NCALD: variants seen among roughly 807,000 people sequenced by gnomAD.
The protein encoded by NCALD is neurocalcin-delta.
In NCALD, 10 loss-of-function variants were observed where a neutral mutation model predicts 18.6. The observed-to-expected ratio is 0.54, with a 90% CI of 0.33 to 0.91. The LOEUF (loss-of-function observed/expected upper bound fraction) is 0.91, where lower values mean the gene tolerates loss of function less well. NCALD is among the 40% of genes least tolerant of loss of function. NCALD has a pLI of 0.03. For synonymous variants in NCALD, 88 were observed against 87.4 expected, an observed-to-expected ratio of 1.01 and a Z score of -0.04; for missense variants, 184 against 247.6, an observed-to-expected ratio of 0.74 and a Z score of 1.72.
chr8:102,008,592 C>T (rs1412619071), intron 2 of NCALD, among the ~76,000 whole-genome samples: 1 of 151,478 alleles, frequency 6.6e-6, no homozygotes, highest in Non-Finnish European at 1.5e-5. Flanking sequence ...AGGAAAGCAA[C>T]ATTCCTAACA....
intron 2 of NCALD, among the ~76,000 whole-genome samples, chr8:101,705,747 A>G (rs1815485696): frequency 6.6e-6 from 1 of 152,030 alleles, no homozygotes; most frequent in Non-Finnish European, 1.5e-5. Flanking sequence ...ACCATGGAGG[A>G]GAGAGACTAC....
rs148081163 is a variant in NCALD, at chr8:101,751,277, C to A, written c.-19-31629G>T. On this transcript the variant is annotated intron_variant, in intron 1 of 3. Coordinates refer to ENST00000220931, the MANE Select transcript of NCALD (RefSeq NM_032041.3). ...TGCATCATTCTACTTATATGAGGTA[C>A]CTAGAATGGGCAAATTCTTAGAAAT... Among the ~76,000 whole-genome samples, 1,137 of 152,130 alleles carry A rather than the reference C, an allele frequency of 7.5e-3. 15 individuals carry two copies. Among genetic ancestry groups the A allele is most frequent in the African/African-American group, 0.025 (1,054 of 41,514 alleles).
chr8:101,963,468 C>T (rs950770913), intron 2 of NCALD, among the ~76,000 whole-genome samples: 1 of 152,126 alleles, frequency 6.6e-6, no homozygotes, highest in South Asian at 2.1e-4. Flanking sequence ...ACCAAGGAAG[C>T]ATGTGACTCC....
chr8:101,895,205 C>T lies in NCALD; in HGVS notation c.-106-7978G>A, dbSNP rs572747508. 3.3e-3 allele frequency among the ~76,000 whole-genome samples: 496 copies of T among 149,386 alleles called. 2 individuals carry two copies. Among genetic ancestry groups the T allele is most frequent in the African/African-American group, 0.011 (441 of 39,088 alleles). Reference sequence around the variant, plus strand: ...TCATCCCTGGGATGCAAGGCTGGTTCGATATACGCAAATCAATAAATGTAA... The same window carrying T: ...TCATCCCTGGGATGCAAGGCTGGTTTGATATACGCAAATCAATAAATGTAA... On this transcript the variant is annotated intron_variant, in intron 3 of 6. Coordinates refer to the NCALD transcript ENST00000311028.
At chr8:101,998,628 C>G (rs1755502911) in intron 2 of NCALD, among the ~76,000 whole-genome samples, 1 of 152,214 alleles carries the variant, frequency 6.6e-6, no homozygotes, top group South Asian at 2.1e-4. Flanking sequence ...TGGGTCTCCA[C>G]AATTTGCTCC....
intron 1 of NCALD, among the ~76,000 whole-genome samples, chr8:101,750,933 A>C (rs1327067867): frequency 1.3e-5 from 2 of 152,204 alleles, no homozygotes; most frequent in Non-Finnish European, 2.9e-5. Context: ...AGGAAGTCAC[A>C]CTTGCTTTTA....
At chr8:102,075,992 T>A (rs17415729) in intron 1 of NCALD, among the ~76,000 whole-genome samples, 2 of 149,280 alleles carry the variant, frequency 1.3e-5, no homozygotes, top group South Asian at 2.1e-4. Context: ...AAAATAAATG[T>A]CCCCAAAGAG....
At chr8:101,722,889 T>C (rs1376442645) in intron 1 of NCALD, among the ~76,000 whole-genome samples, 3 of 152,216 alleles carry the variant, frequency 2.0e-5, no homozygotes, top group African/African-American at 7.2e-5. Flanking sequence ...AGCCTAGAAT[T>C]CATCTACAAA....
intron 2 of NCALD, among the ~76,000 whole-genome samples, chr8:102,015,089 C>A (rs1822037043): frequency 6.6e-6 from 1 of 152,174 alleles, no homozygotes; most frequent in South Asian, 2.1e-4. Flanking sequence ...GAATGATGTA[C>A]TTCTCGACCC....
rs28513356 is a variant in NCALD at position 101,905,540 on chromosome 8, G to T, written c.-107+10269C>A. On this transcript the variant is annotated intron_variant, in intron 3 of 6. Transcript: ENST00000311028. ...CTGACTTGAGATCTTTGTCATTTCT[G>T]TATGTCTACAAACCATCCCACACTA... Among the ~76,000 whole-genome samples, 485 of 152,156 alleles carry T rather than the reference G, an allele frequency of 3.2e-3. 6 individuals are homozygous for T. The highest frequency in any genetic ancestry group is 0.011 in the African/African-American group (440 of 41,502).
intron 2 of NCALD, among the ~76,000 whole-genome samples, chr8:101,989,514 A>C (rs548997478): frequency 2.6e-5 from 4 of 152,386 alleles, no homozygotes; most frequent in South Asian, 4.1e-4. Flanking sequence ...ACTTTGTTTA[A>C]AATTATAATG....
In NCALD at chr8:101,950,795, T is replaced by C. The variant is rs79273280; in HGVS notation, c.-156-34937A>G. Among the ~76,000 whole-genome samples the C allele has an allele frequency of 9.2e-3, 1,408 of 152,330 alleles. 16 individuals are homozygous for C. The highest frequency in any genetic ancestry group is 0.027 in the Middle Eastern group (8 of 294). ...AACAGACCTGATCTAAGCCCACAGC[T>C]TGAATCCAAGCCCAACCAAGCTCAG... On this transcript the variant is annotated intron_variant, in intron 2 of 6. Coordinates refer to the NCALD transcript ENST00000311028.
chr8:101,954,530 G>A (rs1364291551), intron 2 of NCALD, among the ~76,000 whole-genome samples: 2 of 151,996 alleles, frequency 1.3e-5, no homozygotes, highest in Non-Finnish European at 2.9e-5. Context: ...GGAAACAATC[G>A]TCATCCTCTT....
intron 1 of NCALD, among the ~76,000 whole-genome samples, chr8:101,744,163 A>G (rs577930388): frequency 6.6e-6 from 1 of 152,216 alleles, no homozygotes; most frequent in South Asian, 2.1e-4. Flanking sequence ...TTTGGCATTC[A>G]GGGTCCTCAT....
chr8:101,884,514 A>G (rs917141614), intron 4 of NCALD, among the ~76,000 whole-genome samples: 1 of 152,164 alleles, frequency 6.6e-6, no homozygotes, highest in African/African-American at 2.4e-5. Flanking sequence ...GTGTTATACC[A>G]TATCATTCTT....
intron 2 of NCALD, among the ~76,000 whole-genome samples, chr8:101,712,415 T>C (rs114667432): frequency 0.025 from 3,872 of 151,956 alleles, 131 homozygotes; most frequent in African/African-American, 0.077. Flanking sequence ...ACAATAATAA[T>C]CTTAAATTGT....
At chr8:101,787,550 C>T (rs951812404) in intron 1 of NCALD, among the ~76,000 whole-genome samples, 7 of 152,104 alleles carry the variant, frequency 4.6e-5, no homozygotes, top group Admixed American at 1.3e-4. Flanking sequence ...TGCAAAGTTA[C>T]GCTGTTGGTT....
chr8:101,857,043 TCCTTTA>T (rs1815348265), intron 4 of NCALD, among the ~76,000 whole-genome samples: 1 of 152,214 alleles, frequency 6.6e-6, no homozygotes, highest in African/African-American at 2.4e-5. Flanking sequence ...TGCTGTGAGC[TCCTTTA>T]CCTCTAATCC....
At chr8:101,894,472 C>T (rs1460287998) in intron 3 of NCALD, among the ~76,000 whole-genome samples, 1 of 143,368 alleles carries the variant, frequency 7.0e-6, no homozygotes, top group Non-Finnish European at 1.5e-5. Context: ...CAAAAGCAAA[C>T]ACATTCAAAA....
Sources: gnomAD v4.1 joint callset for allele counts (sites outside exome capture counted in the v4.1 genomes callset) on GRCh38, gnomAD v4.1.1 for gene constraint, MANE v1.5 for transcripts, NCBI Gene and HGNC (gene_info 2026-07-23, HGNC 2026-07-21) for gene names.